RAD54L2: variants seen among roughly 807,000 people sequenced by gnomAD.
RAD54L2 encodes the protein helicase ARIP4.
RAD54L2 carries 27 observed loss-of-function variants against 138.4 expected under a neutral mutation model. That is an observed-to-expected ratio of 0.20 (90% CI 0.14 to 0.27). The LOEUF (loss-of-function observed/expected upper bound fraction) is 0.27. RAD54L2 is among the 10% of genes least tolerant of loss of function. The probability of loss-of-function intolerance (pLI) is 1.00; values close to 1 mark genes in which losing one functional copy is unlikely to be tolerated. For synonymous variants in RAD54L2, 644 were observed against 723.2 expected (o/e 0.89, Z 1.76); for missense variants, 1,396 against 1,890.2 (o/e 0.74, Z 4.85).
Position 51,637,036 on chromosome 3 carries a change from C to A in RAD54L2, c.1340-125C>A. 1 of 829,974 alleles carries A rather than the reference C, an allele frequency of 1.2e-6. No homozygotes were observed. Among genetic ancestry groups the A allele is most frequent in the Non-Finnish European group, 1.9e-6 (1 of 519,022 alleles). 51.4% of individuals were successfully genotyped at this position (829,974 alleles called of 1,614,324 possible). On this transcript the variant is annotated intron_variant, in intron 10 of 22. Transcript: ENST00000684192. This position sits in a 1 kb window ranked among gnomAD's most constrained non-coding sequence, Gnocchi z 5.9. ...GCTGGCACCCTCTCACCAAGGGGGG[C>A]TGACTCTTGCTTTCCTGCTTCCTTC...
At chr3:51,641,907 GT>G in intron 15 of RAD54L2, 40 bp downstream of exon 15, 1 of 1,398,184 alleles carries the variant, frequency 7.2e-7, no homozygotes, top group Non-Finnish European at 9.9e-7. Context: ...CCTTGGCAAG[GT>G]CTGCTTAAGG....
intron 2 of RAD54L2, among the ~76,000 whole-genome samples, chr3:51,567,742 A>G (rs1202213342): frequency 6.6e-6 from 1 of 151,970 alleles, no homozygotes; most frequent in East Asian, 1.9e-4. Flanking sequence ...GTAAAGAGTA[A>G]ACTCCAGTTG....
Position 51,633,992 on chromosome 3 carries a change from C to T in RAD54L2, c.1099C>T (p.Gln367Ter). 6.2e-7 allele frequency: 1 copy of T among 1,613,952 alleles called. No homozygotes were observed. Among genetic ancestry groups the T allele is most frequent in the Non-Finnish European group, 8.5e-7 (1 of 1,179,886 alleles). Residue 367 changes from glutamine to a stop codon, truncating the protein, a stop_gained, in exon 9 of 23, where the codon CAG becomes TAG. Coordinates refer to ENST00000684192, the MANE Select transcript of RAD54L2 (RefSeq NM_015106.4). LOFTEE classifies it high-confidence loss of function. ...GGCTGACAACAAGCCTGAAGAAGTCCAGCCTCGGTTCTTTAAAGTTCACAT... is the reference window on the plus strand; with the variant it reads ...GGCTGACAACAAGCCTGAAGAAGTCTAGCCTCGGTTCTTTAAAGTTCACAT... ...LPADNKPEEV[Q>*]PRFFKVHILN...
In RAD54L2 at chr3:51,665,116, C is replaced by G. The variant is rs895992555; in HGVS notation, c.*1696C>G. ...ATTGCCATTGCCAGGGGAGGGTCGT[C>G]TAGTCCTTAAGCATAAACACTGGCT... On this transcript the variant is annotated 3_prime_UTR_variant, in exon 23 of 23. Transcript: ENST00000684192. 2.0e-5 allele frequency: 3 copies of G among 152,162 alleles called. No homozygotes were observed. Among genetic ancestry groups the G allele is most frequent in the Non-Finnish European group, 4.4e-5 (3 of 68,056 alleles). The allele number at this position is 152,162 out of a possible 1,614,324, so 9.4% of individuals were successfully genotyped here.
chr3:51,568,459 T>A lies in RAD54L2; in HGVS notation c.-54-21908T>A, dbSNP rs570449677. On this transcript the variant is annotated intron_variant, in intron 2 of 22. Coordinates refer to ENST00000684192, the MANE Select transcript of RAD54L2 (RefSeq NM_015106.4). ...AAGATTGTAACTTCATTAACCCTCCTACTCAAATGCAGGCCTGGAGTCTTT... is the reference window on the plus strand; with the variant it reads ...AAGATTGTAACTTCATTAACCCTCCAACTCAAATGCAGGCCTGGAGTCTTT... Among the ~76,000 whole-genome samples, 3 of 152,352 alleles carry A rather than the reference T, an allele frequency of 2.0e-5. No homozygotes were observed. The East Asian group carries it at 5.8e-4, about 29-fold the overall frequency.
At chr3:51,640,980 A>G (rs1701118623) in intron 14 of RAD54L2, among the ~76,000 whole-genome samples, 1 of 152,022 alleles carries the variant, frequency 6.6e-6, no homozygotes, top group South Asian at 2.1e-4. Context: ...TTCTTGGTAT[A>G]GTTACCTCTT....
At chr3:51,566,168 C>T (rs956708535) in intron 2 of RAD54L2, among the ~76,000 whole-genome samples, 20 of 152,264 alleles carry the variant, frequency 1.3e-4, no homozygotes. Context: ...TATAGATTTG[C>T]TATGTTGAAA....
intron 3 of RAD54L2, among the ~76,000 whole-genome samples, chr3:51,606,164 CT>C (rs1269732710): frequency 6.6e-6 from 1 of 152,124 alleles, no homozygotes; most frequent in African/African-American, 2.4e-5. Flanking sequence ...TCAAAAGAAC[CT>C]TTAAGCATTT....
intron 8 of RAD54L2, 64 bp from the exon 9 acceptor site, chr3:51,633,838 C>T (rs1700909302): frequency 1.2e-6 from 2 of 1,603,512 alleles, no homozygotes; most frequent in South Asian, 1.1e-5. Context: ...CACCAAAAAG[C>T]TTGATGAGCT....
chr3:51,598,133 ATGTGTGTATATATATATG>A (rs1700007938), intron 3 of RAD54L2, among the ~76,000 whole-genome samples: 1 of 144,994 alleles, frequency 6.9e-6, no homozygotes, highest in African/African-American at 2.5e-5. Context: ...ATATATATAT[ATGTGTGTATATATATATG>A]TGTGTGTGTG....
Position 51,663,567 on chromosome 3 carries a change from A to T in RAD54L2, c.*147A>T. On this transcript the variant is annotated 3_prime_UTR_variant, in exon 23 of 23. Transcript: ENST00000684192. ...GGAGGGTGGTTGGCCAAAGTGGCAGAGCTCTGTTGCTGTTTAACAAAAGAG... is the reference window on the plus strand; with the variant it reads ...GGAGGGTGGTTGGCCAAAGTGGCAGTGCTCTGTTGCTGTTTAACAAAAGAG... 1 of 380,068 alleles carries T rather than the reference A, an allele frequency of 2.6e-6. No homozygotes were observed. The highest frequency in any genetic ancestry group is 4.5e-6 in the Non-Finnish European group (1 of 224,652). The allele number at this position is 380,068 out of a possible 1,614,324, so 23.5% of individuals were successfully genotyped here.
At chr3:51,540,868 C>T (rs1470865408) in intron 1 of RAD54L2, among the ~76,000 whole-genome samples, 1 of 151,956 alleles carries the variant, frequency 6.6e-6, no homozygotes, top group East Asian at 1.9e-4. Flanking sequence ...ATGGCGAAAC[C>T]CTGTCTCTAC....
At chr3:51,580,480 G>A (rs1350995561) in intron 2 of RAD54L2, among the ~76,000 whole-genome samples, 6 of 152,134 alleles carry the variant, frequency 3.9e-5, no homozygotes, top group Non-Finnish European at 8.8e-5. Flanking sequence ...AGTGAGTGGG[G>A]CTGAAAGTTC....
chr3:51,556,875 C>T (rs1698981218), intron 2 of RAD54L2, among the ~76,000 whole-genome samples: 1 of 151,910 alleles, frequency 6.6e-6, no homozygotes, highest in African/African-American at 2.4e-5. Context: ...TGCACCCGGC[C>T]CTATATATCT....
chr3:51,593,842 T>C (rs1699893852), intron 3 of RAD54L2, among the ~76,000 whole-genome samples: 4 of 152,156 alleles, frequency 2.6e-5, no homozygotes, highest in Admixed American at 2.6e-4. Flanking sequence ...TCTTTTAGAC[T>C]TCTTAGGAAT....
chr3:51,662,824 C>A lies in RAD54L2; in HGVS notation c.3808C>A (p.Arg1270=), dbSNP rs139053490. ...TPPAAQESSR[R]RSRKGHLPAP... is the part of the protein sequence containing the mutation. ...ACCTGCTGCCCAGGAGTCATCCCGCCGGCGGTCCAGGAAGGGTCATCTGCC... is the reference window on the plus strand; with the variant it reads ...ACCTGCTGCCCAGGAGTCATCCCGCAGGCGGTCCAGGAAGGGTCATCTGCC... The change falls in exon 23 of 23, where the codon CGG becomes AGG. Residue 1270 remains arginine (R), a synonymous_variant. Coordinates refer to ENST00000684192, the MANE Select transcript of RAD54L2 (RefSeq NM_015106.4). The surrounding 1 kb of genome is among the most constrained non-coding windows in gnomAD (Gnocchi z 4.6). 2 of 1,612,010 alleles carry A rather than the reference C, an allele frequency of 1.2e-6. No homozygotes were observed. The highest frequency in any genetic ancestry group is 1.7e-6 in the Non-Finnish European group (2 of 1,179,158).
intron 3 of RAD54L2, among the ~76,000 whole-genome samples, chr3:51,610,797 A>G (rs1700311304): frequency 6.6e-6 from 1 of 152,176 alleles, no homozygotes; most frequent in African/African-American, 2.4e-5. Flanking sequence ...AGAGGCTGCC[A>G]GTTGGAACCC....
intron 2 of RAD54L2, among the ~76,000 whole-genome samples, chr3:51,563,046 C>CA (rs1699133628): frequency 6.6e-6 from 1 of 152,152 alleles, no homozygotes; most frequent in African/African-American, 2.4e-5. Context: ...CTTTGAGCCT[C>CA]ACTCTTAGTG....
At position 51,630,835 on chromosome 3, in the gene RAD54L2, C is replaced by T. The variant is rs533039138; in HGVS notation, c.729C>T (p.Asp243=). 9.5e-5 allele frequency: 153 copies of T among 1,613,938 alleles called. No homozygotes were observed. Among genetic ancestry groups the T allele is most frequent in the Middle Eastern group, 1.6e-4 (1 of 6,080 alleles). The part of the protein sequence containing the change: ...THVNDVLNQR[D]ALGRVLVNLN... ...TCAATGATGTCTTAAACCAGCGTGA[C>T]GCCCTTGGGCGGGTCCTTGTCAACC... The change falls in exon 7 of 23, where the codon GAC becomes GAT. Residue 243 remains aspartate, a synonymous_variant. Coordinates refer to ENST00000684192, the MANE Select transcript of RAD54L2 (RefSeq NM_015106.4).
Sources: gnomAD v4.1 joint callset for allele counts (sites outside exome capture counted in the v4.1 genomes callset) on GRCh38, gnomAD v4.1.1 for gene constraint, Gnocchi (gnomAD v3.1) non-coding constraint, MANE v1.5 for transcripts, NCBI Gene and HGNC (gene_info 2026-07-23, HGNC 2026-07-21) for gene names.